Variants in DCDC1 observed in about 807,000 individuals in gnomAD.
DCDC1 encodes doublecortin domain-containing protein 1.
DCDC1 carries 200 observed loss-of-function variants against 178.3 expected under a neutral mutation model. The ratio of observed to expected loss-of-function variants is 1.12; its 90% CI spans 1.00 to 1.26. DCDC1 has a LOEUF of 1.26. Ranked by LOEUF, DCDC1 falls within the 50% of genes most tolerant of loss-of-function variation. The probability of loss-of-function intolerance (pLI) is 0.00; values close to 1 mark genes in which losing one functional copy is unlikely to be tolerated. For synonymous variants in DCDC1, 690 were observed against 604.8 expected (o/e 1.14, Z -2.07); for missense variants, 1,983 against 1,749.2 (o/e 1.13, Z -2.38).
At chr11:30,918,070 G>C (rs1230322902) in intron 25 of DCDC1, among the ~76,000 whole-genome samples, 2 of 151,486 alleles carry the variant, frequency 1.3e-5, no homozygotes, top group African/African-American at 4.9e-5. Context: ...GCGCCATCTT[G>C]TGTTAAAAAT....
chr11:31,096,549 G>A (rs1958163703), intron 15 of DCDC1, among the ~76,000 whole-genome samples: 2 of 152,146 alleles, frequency 1.3e-5, no homozygotes, highest in South Asian at 4.2e-4. Flanking sequence ...TTGGTGAAGA[G>A]TGAAGGGGTC....
At chr11:31,222,932 T>C (rs976212634) in intron 9 of DCDC1, among the ~76,000 whole-genome samples, 1 of 152,158 alleles carries the variant, frequency 6.6e-6, no homozygotes, top group East Asian at 1.9e-4. Flanking sequence ...TGCAAAGAGA[T>C]TTTTGTTAAT....
At chr11:31,173,712 T>C (rs1181050667) in intron 9 of DCDC1, among the ~76,000 whole-genome samples, 1 of 151,166 alleles carries the variant, frequency 6.6e-6, no homozygotes, top group African/African-American at 2.4e-5. Context: ...TCTAAGAGAT[T>C]TCCCCATGTT....
intron 20 of DCDC1, among the ~76,000 whole-genome samples, chr11:31,052,239 G>A (rs187120135): frequency 3.6e-4 from 55 of 152,104 alleles, no homozygotes; most frequent in African/African-American, 8.2e-4. Context: ...AAGCAACAGC[G>A]GTTAAAAGAG....
chr11:30,897,905 C>T (rs559243600), intron 34 of DCDC1, among the ~76,000 whole-genome samples: 1 of 152,072 alleles, frequency 6.6e-6, no homozygotes, highest in South Asian at 2.1e-4. Flanking sequence ...TGGGATAAAC[C>T]ACATTACCCT....
intron 15 of DCDC1, among the ~76,000 whole-genome samples, chr11:31,097,725 A>G (rs1357399005): frequency 1.3e-5 from 2 of 152,204 alleles, no homozygotes; most frequent in East Asian, 3.9e-4. Context: ...CCCGTGTCCT[A>G]TGCTAATGGC....
At chr11:31,311,576 TAC>T (rs948319762) in intron 3 of DCDC1, among the ~76,000 whole-genome samples, 8 of 152,204 alleles carry the variant, frequency 5.3e-5, no homozygotes, top group African/African-American at 1.9e-4. Flanking sequence ...AATATAAGAA[TAC>T]AGTGCCATGA....
At chr11:31,261,127 C>G (rs1348863633) in intron 8 of DCDC1, among the ~76,000 whole-genome samples, 4 of 152,058 alleles carry the variant, frequency 2.6e-5, no homozygotes, top group African/African-American at 9.7e-5. Flanking sequence ...TAGCTCTTGC[C>G]CATTCCTTAA....
At chr11:31,208,830 T>C (rs998487590) in intron 9 of DCDC1, among the ~76,000 whole-genome samples, 4 of 152,204 alleles carry the variant, frequency 2.6e-5, no homozygotes, top group Admixed American at 2.0e-4. Flanking sequence ...ATCATTCAGC[T>C]ATCACCTCCT....
At chr11:31,363,634 A>G (rs1951816360) in intron 1 of DCDC1, among the ~76,000 whole-genome samples, 1 of 152,330 alleles carries the variant, frequency 6.6e-6, no homozygotes, top group African/African-American at 2.4e-5. Context: ...AAAAGGTTCC[A>G]TAACACCCTG....
rs576946019 is a variant in DCDC1, at chr11:31,064,838, T to C, written c.2433+181A>G. Among the ~76,000 whole-genome samples, 22 of 152,322 alleles carry C rather than the reference T, an allele frequency of 1.4e-4. No homozygotes were observed. The South Asian group carries it at 4.1e-3, about 29-fold the overall frequency. On this transcript the variant is annotated intron_variant, in intron 19 of 38. Transcript: ENST00000684477. ...TTAATAAAATGTTTATATAAAGTTA[T>C]ATGTTTACATAAATATAAATGTGCA...
At chr11:30,963,011 A>T (rs1590566441) in intron 20 of DCDC1, among the ~76,000 whole-genome samples, 1 of 152,074 alleles carries the variant, frequency 6.6e-6, no homozygotes, top group East Asian at 1.9e-4. Context: ...AATCTGTTGC[A>T]TTCATCACCT....
chr11:31,164,866 T>C (rs1966632424), intron 9 of DCDC1, among the ~76,000 whole-genome samples: 2 of 152,184 alleles, frequency 1.3e-5, no homozygotes, highest in South Asian at 4.1e-4. Context: ...CTCACTGACT[T>C]ACCTAGAGCA....
chr11:31,332,376 C>G (rs1359167464), intron 2 of DCDC1, among the ~76,000 whole-genome samples: 1 of 152,144 alleles, frequency 6.6e-6, no homozygotes, highest in Non-Finnish European at 1.5e-5. Context: ...GTGTCTATCT[C>G]CTTAAGTTCT....
At chr11:31,181,403 C>T (rs957766569) in intron 9 of DCDC1, among the ~76,000 whole-genome samples, 8 of 152,202 alleles carry the variant, frequency 5.3e-5, no homozygotes, top group African/African-American at 1.4e-4. Flanking sequence ...GTCACTGACC[C>T]CCATGCCTCC....
chr11:31,294,487 G>A (rs550435479), intron 6 of DCDC1, among the ~76,000 whole-genome samples: 1 of 150,392 alleles, frequency 6.6e-6, no homozygotes, highest in East Asian at 2.0e-4. Flanking sequence ...GGAGGCTGAG[G>A]CAGGAGAATT....
intron 9 of DCDC1, among the ~76,000 whole-genome samples, chr11:31,206,377 G>A (rs1474302955): frequency 6.6e-6 from 1 of 152,074 alleles, no homozygotes; most frequent in Non-Finnish European, 1.5e-5. Flanking sequence ...TTAAGATCAT[G>A]AGATCTCAAT....
At chr11:31,159,337 T>C (rs905812634) in intron 9 of DCDC1, among the ~76,000 whole-genome samples, 1 of 152,186 alleles carries the variant, frequency 6.6e-6, no homozygotes, top group Non-Finnish European at 1.5e-5. Context: ...AAAAGGTACA[T>C]TGGTATCCAC....
At position 31,369,688 on chromosome 11, in the gene DCDC1, G is replaced by C. The variant is rs1032877098; in HGVS notation, c.-125+9C>G. ...CAAAGGCGCCTTTCTTCACAGTTTG[G>C]GAACTTACTGGTAGTAAACGCCACT... On this transcript the variant is annotated intron_variant, in intron 1 of 38. Transcript: ENST00000684477. The C allele has an allele frequency of 6.5e-6, 1 of 152,672 alleles. No individual in the cohort carries two copies. Among genetic ancestry groups the C allele is most frequent in the African/African-American group, 2.4e-5 (1 of 41,440 alleles). The allele number at this position is 152,672 out of a possible 1,614,324, so 9.5% of individuals were successfully genotyped here.
Sources: gnomAD v4.1 joint callset for allele counts (sites outside exome capture counted in the v4.1 genomes callset) on GRCh38, gnomAD v4.1.1 for gene constraint, MANE v1.5 for transcripts, NCBI Gene and HGNC (gene_info 2026-07-23, HGNC 2026-07-21) for gene names.